UMAD1: variants seen among roughly 807,000 people sequenced by gnomAD.
UMAD1 encodes UBAP1-MVB12-associated (UMA)-domain containing protein 1.
A neutral mutation model predicts 6.1 loss-of-function variants in UMAD1; 8 were observed. The observed-to-expected ratio is 1.30, with a 90% CI of 0.76 to 2.35. UMAD1 has a LOEUF of 2.35. Among genes scored for constraint, UMAD1 ranks in the 30% most tolerant of loss-of-function variants. The pLI, the probability that UMAD1 is intolerant of heterozygous loss-of-function variation, is 0.00. For synonymous variants in UMAD1, 56 were observed against 31.4 expected (o/e 1.78, Z -2.61); for missense variants, 130 against 78.4 (o/e 1.66, Z -2.49).
chr7:7,661,588 G>C (rs1426322984), intron 1 of UMAD1, among the ~76,000 whole-genome samples: 4 of 152,178 alleles, frequency 2.6e-5, no homozygotes, highest in Non-Finnish European at 5.9e-5. Context: ...GCTGAAGTTT[G>C]CTGGAGGTCC....
At chr7:7,823,248 G>C (rs188616011) in intron 3 of UMAD1, among the ~76,000 whole-genome samples, 1 of 152,044 alleles carries the variant, frequency 6.6e-6, no homozygotes, top group Non-Finnish European at 1.5e-5. Context: ...AGATAAATAG[G>C]TCATTAATTC....
intron 3 of UMAD1, among the ~76,000 whole-genome samples, chr7:7,849,696 A>T (rs1001840135): frequency 4.6e-5 from 7 of 152,326 alleles, no homozygotes; most frequent in African/African-American, 1.4e-4. Context: ...GATTCAGACC[A>T]AAAACTAAAC....
At chr7:7,706,118 A>G (rs1780592946) in intron 2 of UMAD1, among the ~76,000 whole-genome samples, 1 of 152,212 alleles carries the variant, frequency 6.6e-6, no homozygotes, top group Non-Finnish European at 1.5e-5. Context: ...GGATGCTACA[A>G]AGAAAGTAGA....
At chr7:7,791,054 A>G (rs1300905222) in intron 2 of UMAD1, among the ~76,000 whole-genome samples, 1 of 151,778 alleles carries the variant, frequency 6.6e-6, no homozygotes, top group Non-Finnish European at 1.5e-5. Context: ...CACACCTCTA[A>G]TTTTTGTATT....
At chr7:7,746,516 G>A (rs1781577480) in intron 2 of UMAD1, among the ~76,000 whole-genome samples, 1 of 152,118 alleles carries the variant, frequency 6.6e-6, no homozygotes, top group South Asian at 2.1e-4. Flanking sequence ...TTTCACACAC[G>A]TTGCTTAAAT....
chr7:7,802,812 A>C (rs1201404693), intron 3 of UMAD1, among the ~76,000 whole-genome samples: 1 of 152,232 alleles, frequency 6.6e-6, no homozygotes, highest in Admixed American at 6.5e-5. Flanking sequence ...GATTTGTTAA[A>C]TGAATAAGTC....
At chr7:7,722,994 T>A (rs1017622614) in intron 2 of UMAD1, among the ~76,000 whole-genome samples, 2 of 152,072 alleles carry the variant, frequency 1.3e-5, no homozygotes, top group East Asian at 3.9e-4. Flanking sequence ...TCCACCTTTG[T>A]CTGAGGAGAT....
chr7:7,742,615 T>A, intron 2 of UMAD1: 7 of 446,712 alleles, frequency 1.6e-5, no homozygotes, highest in South Asian at 1.2e-4. Flanking sequence ...TGAATGCTGT[T>A]TAGTAATAAG....
At chr7:7,748,103 A>ATTTT (rs35368211) in intron 2 of UMAD1, among the ~76,000 whole-genome samples, 2 of 140,162 alleles carry the variant, frequency 1.4e-5, no homozygotes, top group Non-Finnish European at 3.1e-5. Flanking sequence ...CGCCCAGCTA[A>ATTTT]TTTTTTTTTT....
chr7:7,790,782 C>T (rs1025032694), intron 2 of UMAD1, among the ~76,000 whole-genome samples: 3 of 152,234 alleles, frequency 2.0e-5, no homozygotes, highest in Admixed American at 6.5e-5. Context: ...CTTCTGCATT[C>T]TGAAACTGAA....
chr7:7,799,627 C>A (rs528685178), intron 2 of UMAD1, among the ~76,000 whole-genome samples: 2 of 152,158 alleles, frequency 1.3e-5, no homozygotes, highest in African/African-American at 4.8e-5. Context: ...TTAGAAACAT[C>A]GTGCATGTGC....
chr7:7,793,257 G>A (rs1782604850), intron 2 of UMAD1, among the ~76,000 whole-genome samples: 1 of 152,216 alleles, frequency 6.6e-6, no homozygotes, highest in South Asian at 2.1e-4. Flanking sequence ...GAGGCACTGA[G>A]AAGTAACTTG....
chr7:7,808,839 A>G (rs1255872575), intron 3 of UMAD1, among the ~76,000 whole-genome samples: 1 of 152,030 alleles, frequency 6.6e-6, no homozygotes, highest in Non-Finnish European at 1.5e-5. Flanking sequence ...TCACATATGC[A>G]TATGGAGACA....
intron 3 of UMAD1, among the ~76,000 whole-genome samples, chr7:7,854,355 CAAAAAAAAAAAAA>C (rs34829393): frequency 6.1e-5 from 3 of 49,168 alleles, no homozygotes; most frequent in African/African-American, 1.7e-4. Flanking sequence ...AGCTCCATCT[CAAAAAAAAAAAAA>C]AAAAAAAAAA....
intron 2 of UMAD1, among the ~76,000 whole-genome samples, chr7:7,767,046 A>G (rs11761203): frequency 0.083 from 12,598 of 151,980 alleles, 652 homozygotes; most frequent in South Asian, 0.17. Flanking sequence ...TTTCACCCAA[A>G]AAAAAGATGG....
At chr7:7,710,692 T>C (rs928930815) in intron 2 of UMAD1, among the ~76,000 whole-genome samples, 7 of 152,226 alleles carry the variant, frequency 4.6e-5, no homozygotes, top group Admixed American at 6.5e-5. Flanking sequence ...AATTACACTT[T>C]GGGCATTTAT....
At chr7:7,851,376 C>CA (rs2115324575) in intron 3 of UMAD1, among the ~76,000 whole-genome samples, 1 of 152,154 alleles carries the variant, frequency 6.6e-6, no homozygotes, top group South Asian at 2.1e-4. Context: ...CATTTATGTA[C>CA]AAGTATTTGT....
intron 2 of UMAD1, among the ~76,000 whole-genome samples, chr7:7,761,657 A>C (rs984436117): frequency 6.6e-6 from 1 of 152,332 alleles, no homozygotes; most frequent in African/African-American, 2.4e-5. Context: ...ACTAGAACTT[A>C]TTATTGGGGA....
chr7:7,654,002 A>G (rs1785285234), intron 1 of UMAD1, among the ~76,000 whole-genome samples: 2 of 152,180 alleles, frequency 1.3e-5, no homozygotes, highest in Admixed American at 1.3e-4. Context: ...CTAAATTAGT[A>G]GATTGAGGGG....
Sources: allele counts gnomAD v4.1 joint callset (sites outside exome capture counted in the v4.1 genomes callset), GRCh38; gene constraint gnomAD v4.1.1; transcripts MANE v1.5; gene names NCBI Gene and HGNC (gene_info 2026-07-23, HGNC 2026-07-21).